GLRB: variants seen among roughly 807,000 people sequenced by gnomAD.
The protein encoded by GLRB is glycine receptor beta.
GLRB carries 33 observed loss-of-function variants against 54.2 expected under a neutral mutation model. That is an observed-to-expected ratio of 0.61 (90% CI 0.46 to 0.81). GLRB has a LOEUF of 0.81. GLRB is among the 40% of genes least tolerant of loss of function. The pLI, the probability that GLRB is intolerant of heterozygous loss-of-function variation, is 0.00. For synonymous variants in GLRB, 209 were observed against 208.2 expected (o/e 1.00, Z -0.03); for missense variants, 572 against 584.6 (o/e 0.98, Z 0.22).
Position 157,078,114 on chromosome 4 carries a change from G to C in GLRB, c.90G>C (p.Gly30=). The C allele has an allele frequency of 6.2e-7, 1 of 1,612,336 alleles. No homozygotes were observed. The highest frequency in any genetic ancestry group is 1.1e-5 in the South Asian group (1 of 91,042). ...AYSKEKSSKK[G]KGKKKQYLCP... ...CTAAGGAAAAGTCTTCAAAGAAAGG[G>C]AAGGGGAAAAAGAAGCAGTATCTAT... Residue 30 remains glycine (G), a synonymous_variant, in exon 2 of 10, where the codon GGG becomes GGC. Coordinates refer to ENST00000264428, the MANE Select transcript of GLRB (RefSeq NM_000824.5).
At chr4:157,107,379 C>A (rs901499259) in intron 2 of GLRB, among the ~76,000 whole-genome samples, 2 of 151,992 alleles carry the variant, frequency 1.3e-5, no homozygotes, top group Non-Finnish European at 2.9e-5. Flanking sequence ...CTTTGTCAAA[C>A]GGCCAGGTTG....
intron 4 of GLRB, among the ~76,000 whole-genome samples, chr4:157,126,028 T>C (rs901951098): frequency 6.6e-6 from 1 of 151,816 alleles, no homozygotes; most frequent in Admixed American, 6.6e-5. Flanking sequence ...ACACAGAGCC[T>C]GGGAGTAGAT....
chr4:157,115,373 A>C (rs572291510), intron 2 of GLRB, among the ~76,000 whole-genome samples: 1 of 151,262 alleles, frequency 6.6e-6, no homozygotes, highest in African/African-American at 2.4e-5. Context: ...TAAAATAATG[A>C]CTAATAACAT....
chr4:157,169,503 G>C (rs888787407), intron 9 of GLRB, among the ~76,000 whole-genome samples: 13 of 152,044 alleles, frequency 8.6e-5, no homozygotes, highest in Admixed American at 8.5e-4. Context: ...CAAAATCTAT[G>C]CATACTCAAG....
chr4:157,133,558 A>T (rs779580056), intron 4 of GLRB, among the ~76,000 whole-genome samples: 5 of 151,958 alleles, frequency 3.3e-5, no homozygotes, highest in Non-Finnish European at 7.4e-5. Flanking sequence ...TTTTAAAAGC[A>T]AGGGGAGCTC....
intron 2 of GLRB, among the ~76,000 whole-genome samples, chr4:157,103,746 A>G (rs1473090505): frequency 6.6e-6 from 1 of 152,110 alleles, no homozygotes; most frequent in Non-Finnish European, 1.5e-5. Flanking sequence ...TTCGGTGGAC[A>G]AGTCTTTGAT....
intron 9 of GLRB, 45 bp from the exon 10 acceptor site, chr4:157,170,386 TA>T (rs1424327349): frequency 1.8e-6 from 2 of 1,125,434 alleles, no homozygotes; most frequent in Non-Finnish European, 1.3e-6. Flanking sequence ...ATGTGTTTCG[TA>T]AGTAGAAAAG....
rs748194679 is a variant in GLRB, at chr4:157,138,819, A to G, written c.621A>G (p.Thr207=). 4 of 1,542,838 alleles carry G rather than the reference A, an allele frequency of 2.6e-6. No homozygotes were observed. In the Admixed American group the frequency reaches 6.7e-5, roughly 26 times the overall value. The change falls in exon 7 of 10, where the codon ACA becomes ACG. Residue 207 remains threonine (T), a synonymous_variant. Transcript: ENST00000264428. The part of the protein sequence containing the change: ...CKMQLESFGY[T]TDDLRFIWQS... Reference sequence around the variant, plus strand: ...TGTTTTTGTTTATAGTTGGTTACACAACTGATGATTTACGATTTATCTGGC... The same window carrying G: ...TGTTTTTGTTTATAGTTGGTTACACGACTGATGATTTACGATTTATCTGGC...
At chr4:157,120,485 C>T in intron 2 of GLRB, 71 bp from the exon 3 acceptor site, 2 of 717,500 alleles carry the variant, frequency 2.8e-6, no homozygotes, top group South Asian at 3.7e-5. Flanking sequence ...GTCTTTCCTC[C>T]CAATGAGAAT....
intron 9 of GLRB, among the ~76,000 whole-genome samples, chr4:157,157,196 T>C (rs1403370064): frequency 6.6e-6 from 1 of 152,120 alleles, no homozygotes; most frequent in African/African-American, 2.4e-5. Flanking sequence ...TTGTTACTGC[T>C]GGGTGTAGGT....
At chr4:157,110,663 A>G (rs1579206169) in intron 2 of GLRB, among the ~76,000 whole-genome samples, 3 of 151,726 alleles carry the variant, frequency 2.0e-5, no homozygotes, top group East Asian at 3.9e-4. Flanking sequence ...CTTTGTTTGG[A>G]TCATGTTTGC....
chr4:157,125,397 A>G (rs1735981288), intron 4 of GLRB, among the ~76,000 whole-genome samples: 1 of 151,858 alleles, frequency 6.6e-6, no homozygotes, highest in Admixed American at 6.6e-5. Context: ...TTGCTGTGTT[A>G]CTAAAGGGAG....
intron 9 of GLRB, among the ~76,000 whole-genome samples, chr4:157,169,500 T>C (rs1285023000): frequency 6.6e-6 from 1 of 152,174 alleles, no homozygotes; most frequent in Non-Finnish European, 1.5e-5. Context: ...TATCAAAATC[T>C]ATGCATACTC....
chr4:157,158,301 G>A (rs1030864122), intron 9 of GLRB, among the ~76,000 whole-genome samples: 3 of 151,940 alleles, frequency 2.0e-5, no homozygotes, highest in Non-Finnish European at 2.9e-5. Context: ...CTCTGATGGT[G>A]GTTTCTTTTG....
At chr4:157,145,182 A>G (rs1281611515) in intron 8 of GLRB, among the ~76,000 whole-genome samples, 1 of 152,192 alleles carries the variant, frequency 6.6e-6, no homozygotes, top group East Asian at 1.9e-4. Flanking sequence ...CATATCCTTT[A>G]AGAATTTTTC....
intron 7 of GLRB, 87 bp from the exon 8 acceptor site, chr4:157,143,720 T>G (rs1187930335): frequency 1.5e-6 from 2 of 1,328,442 alleles, no homozygotes; most frequent in Non-Finnish European, 2.1e-6. Flanking sequence ...CAGATGGAAG[T>G]GACTTACCGT....
At chr4:157,080,833 C>T (rs1211679932) in intron 2 of GLRB, among the ~76,000 whole-genome samples, 1 of 151,702 alleles carries the variant, frequency 6.6e-6, no homozygotes, top group African/African-American at 2.4e-5. Context: ...AATGTGGGTG[C>T]ATAGACATAA....
At chr4:157,104,750 C>G (rs1318744568) in intron 2 of GLRB, among the ~76,000 whole-genome samples, 1 of 151,834 alleles carries the variant, frequency 6.6e-6, no homozygotes, top group African/African-American at 2.4e-5. Flanking sequence ...GAAGTCTGTT[C>G]AGCTTTTCTG....
intron 4 of GLRB, among the ~76,000 whole-genome samples, chr4:157,129,119 G>A (rs73856838): frequency 0.11 from 15,973 of 151,784 alleles, 951 homozygotes; most frequent in Middle Eastern, 0.18. Flanking sequence ...TTTAATTTGG[G>A]TGTTAATTGG....
Sources: gnomAD v4.1 joint callset for allele counts (sites outside exome capture counted in the v4.1 genomes callset) on GRCh38, gnomAD v4.1.1 for gene constraint, MANE v1.5 for transcripts, NCBI Gene and HGNC (gene_info 2026-07-23, HGNC 2026-07-21) for gene names.